Variants in IL20 observed in about 807,000 individuals in gnomAD.
The protein encoded by IL20 is interleukin-20.
IL20 carries 22 observed loss-of-function variants against 19.2 expected under a neutral mutation model. That is an observed-to-expected ratio of 1.15 (90% CI 0.82 to 1.64). IL20 has a LOEUF of 1.64. Among genes scored for constraint, IL20 ranks in the 40% most tolerant of loss-of-function variants. IL20 has a pLI of 0.00. For synonymous variants in IL20, 70 were observed against 76.2 expected, an observed-to-expected ratio of 0.92 and a Z score of 0.43; for missense variants, 215 against 212.8, an observed-to-expected ratio of 1.01 and a Z score of -0.06.
rs1443993512 is a variant in IL20 at position 206,869,104 on chromosome 1, T to G, written c.*540T>G. 1 of 152,300 alleles carries G rather than the reference T, an allele frequency of 6.6e-6. No individual in the cohort carries two copies. Among genetic ancestry groups the G allele is most frequent in the Admixed American group, 6.5e-5 (1 of 15,278 alleles). The allele number at this position is 152,300 out of a possible 1,614,324, so 9.4% of individuals were successfully genotyped here. A position where few individuals can be genotyped will look rare whatever the true frequency, so the allele number is the denominator to read the frequency against. On this transcript the variant is annotated 3_prime_UTR_variant, in exon 6 of 6. Coordinates refer to ENST00000367098, the MANE Select transcript of IL20 (RefSeq NM_018724.4). The stretch of plus-strand genomic sequence containing the variant: ...AAGTTTTGATGTGGAATTGCACATC[T>G]ACCTTACAATTACTGACCATCCCCA...
Position 206,867,399 on chromosome 1 carries a change from T to A in IL20, c.394T>A (p.Cys132Ser). 1 of 1,613,592 alleles carries A rather than the reference T, an allele frequency of 6.2e-7. No individual in the cohort carries two copies. The highest frequency in any genetic ancestry group is 8.5e-7 in the Non-Finnish European group (1 of 1,179,542). The change falls in exon 5 of 6, where the codon TGC becomes AGC. Residue 132 changes from cysteine to serine, a missense_variant. By Grantham distance (112) the Cys-to-Ser change is moderately radical. Coordinates refer to ENST00000367098, the MANE Select transcript of IL20 (RefSeq NM_018724.4). Reference protein sequence around the residue: ...DLRLCHAHMTCHCGEEAMKKY... With the variant: ...DLRLCHAHMTSHCGEEAMKKY... ...TCCTTTTCAGCATGCCCACATGACA[T>A]GCCATTGTGGGGAGGAAGCAATGAA...
At chr1:206,864,004 A>C (rs1677482571), upstream of IL20, among the ~76,000 whole-genome samples, 2 of 152,180 alleles carry the variant, frequency 1.3e-5, no homozygotes, top group African/African-American at 4.8e-5. Context: ...CTCAGAGGTG[A>C]GTTGACTTGT....
Position 206,868,701 on chromosome 1 carries a change from G to T in IL20, c.*137G>T. The T allele has an allele frequency of 2.3e-6, 1 of 443,006 alleles. No homozygotes were observed. Among genetic ancestry groups the T allele is most frequent in the Non-Finnish European group, 3.8e-6 (1 of 260,638 alleles). 27.4% of individuals were successfully genotyped at this position (443,006 alleles called of 1,614,324 possible). A position where few individuals can be genotyped will look rare whatever the true frequency, so the allele number is the denominator to read the frequency against. On this transcript the variant is annotated 3_prime_UTR_variant, in exon 6 of 6. Coordinates refer to ENST00000367098, the MANE Select transcript of IL20 (RefSeq NM_018724.4). The stretch of plus-strand genomic sequence containing the variant: ...GCTGGTCACAGTGTATCTTATTTAT[G>T]CATTACTTGCTTCCTTGCATGATTG...
At chr1:206,865,169 C>A (rs3024526), upstream of IL20, among the ~76,000 whole-genome samples, 2,146 of 152,334 alleles carry the variant, frequency 0.014, 25 homozygotes, top group Non-Finnish European at 0.021. The surrounding 1 kb of genome is among the most constrained non-coding windows in gnomAD (Gnocchi z 4.1). Context: ...TTGCCCATCA[C>A]GTCTTGCCTT....
upstream of IL20, chr1:206,865,572 G>A (rs552609471): frequency 2.7e-4 from 324 of 1,192,622 alleles, 2 homozygotes; most frequent in African/African-American, 4.4e-3. This position sits in a 1 kb window ranked among gnomAD's most constrained non-coding sequence, Gnocchi z 4.1. Flanking sequence ...CACTAACGGC[G>A]GAGCCAGGAT....
chr1:206,868,667 T>C lies in IL20; in HGVS notation c.*103T>C. 1 of 712,378 alleles carries C rather than the reference T, an allele frequency of 1.4e-6. No individual in the cohort carries two copies. The highest frequency in any genetic ancestry group is 2.2e-6 in the Non-Finnish European group (1 of 454,798). 44.1% of individuals were successfully genotyped at this position (712,378 alleles called of 1,614,324 possible). Reference sequence around the variant, plus strand: ...CCAAACCACCATCTCTTTACTGTACTAGTCTTGTGCTGGTCACAGTGTATC... The same window carrying C: ...CCAAACCACCATCTCTTTACTGTACCAGTCTTGTGCTGGTCACAGTGTATC... On this transcript the variant is annotated 3_prime_UTR_variant, in exon 6 of 6. Coordinates refer to ENST00000367098, the MANE Select transcript of IL20 (RefSeq NM_018724.4).
In IL20 at chr1:206,865,788, C is replaced by T; in HGVS notation, c.-30-35C>T. The T allele has an allele frequency of 6.4e-7, 1 of 1,563,014 alleles. No individual in the cohort carries two copies. Among genetic ancestry groups the T allele is most frequent in the South Asian group, 1.2e-5 (1 of 86,750 alleles). On this transcript the variant is annotated intron_variant, in intron 1 of 5. Coordinates refer to ENST00000367098, the MANE Select transcript of IL20 (RefSeq NM_018724.4). The surrounding 1 kb of genome is among the most constrained non-coding windows in gnomAD (Gnocchi z 4.1). ...CCGTGGACACTTGGAGGAGGGGAAA[C>T]TCAGTAAGTCATGCTCTCTTCTTTG... is the stretch of plus-strand genomic sequence containing the variant.
At position 206,868,599 on chromosome 1, in the gene IL20, G is replaced by A. The variant is rs763434260; in HGVS notation, c.*35G>A. On this transcript the variant is annotated 3_prime_UTR_variant, in exon 6 of 6. Transcript: ENST00000367098. ...GATGCTGCTGCTAAGAATATTCGAG[G>A]TCAAGAGCTCCAGTCTTCAATACCT... 1.9e-5 allele frequency: 29 copies of A among 1,522,310 alleles called. 2 individuals carry two copies. In the South Asian group the frequency reaches 3.5e-4, roughly 18 times the overall value. The allele number at this position is 1,522,310 out of a possible 1,614,324, so 94.3% of individuals were successfully genotyped here. A position where few individuals can be genotyped will look rare whatever the true frequency, so the allele number is the denominator to read the frequency against.
At chr1:206,863,891 A>G (rs902544201), upstream of IL20, among the ~76,000 whole-genome samples, 47 of 152,248 alleles carry the variant, frequency 3.1e-4, no homozygotes, top group African/African-American at 1.1e-3. Context: ...CTCTGTGCTA[A>G]GTGTATAAAT....
In IL20 at chr1:206,867,413, G is replaced by A. The variant is rs755504804; in HGVS notation, c.408G>A (p.Glu136=). ...CHAHMTCHCG[E]EAMKKYSQIL... ...CCCACATGACATGCCATTGTGGGGA[G>A]GAAGCAATGAAGAAATACAGCCAGA... The change falls in exon 5 of 6, where the codon GAG becomes GAA. Residue 136 remains glutamate (E), a synonymous_variant. Transcript: ENST00000367098. 29 of 1,613,674 alleles carry A rather than the reference G, an allele frequency of 1.8e-5. No individual in the cohort carries two copies. Among genetic ancestry groups the A allele is most frequent in the Non-Finnish European group, 2.2e-5 (26 of 1,179,796 alleles).
chr1:206,866,034 C>G (rs1214259099), intron 2 of IL20, 23 bp downstream of exon 2: 7 of 1,600,732 alleles, frequency 4.4e-6, no homozygotes, highest in Non-Finnish European at 6.0e-6. Flanking sequence ...GTATCTACCT[C>G]TCCTGAAAGC....
intron 5 of IL20, 81 bp from the exon 6 acceptor site, chr1:206,868,406 G>A: frequency 1.1e-6 from 1 of 871,834 alleles, no homozygotes; most frequent in Non-Finnish European, 1.7e-6. Flanking sequence ...ATTGTCAGCA[G>A]ACCTATCCAT....
rs1245363844 is a variant in IL20 at position 206,868,759 on chromosome 1, T to C, written c.*195T>C. 5.6e-6 allele frequency: 2 copies of C among 357,652 alleles called. No homozygotes were observed. Among genetic ancestry groups the C allele is most frequent in the African/African-American group, 4.2e-5 (2 of 47,532 alleles). The allele number at this position is 357,652 out of a possible 1,614,324, so 22.2% of individuals were successfully genotyped here. ...GCATCCCCAATCTTAATTGAGACCA[T>C]ACTTGTATAAGATTTTTGTAATATC... On this transcript the variant is annotated 3_prime_UTR_variant, in exon 6 of 6. Coordinates refer to ENST00000367098, the MANE Select transcript of IL20 (RefSeq NM_018724.4).
chr1:206,868,437 C>T lies in IL20; in HGVS notation c.454-50C>T, dbSNP rs764006936. The T allele has an allele frequency of 5.0e-6, 7 of 1,404,094 alleles. No homozygotes were observed. In the South Asian group the frequency reaches 8.0e-5, roughly 16 times the overall value. The allele number at this position is 1,404,094 out of a possible 1,614,324, so 87.0% of individuals were successfully genotyped here. On this transcript the variant is annotated intron_variant, in intron 5 of 5. Transcript: ENST00000367098. ...TCCATAAAAGAGATAGGTCCTGGAG[C>T]AAATGCTGTCTCATGAATTGCTAAC...
intron 5 of IL20, 100 bp from the exon 6 acceptor site, chr1:206,868,387 C>G: frequency 1.6e-6 from 1 of 615,440 alleles, no homozygotes; most frequent in South Asian, 3.7e-5. Context: ...AAAGAATGCT[C>G]TGCTTACAAT....
rs1224448870 is a variant in IL20, at chr1:206,867,461, A to T, written c.453+3A>T. ...AGATTCTGAGTCACTTTGAAAAGGT[A>T]TATGCGACTTTGGCATTGATTGGGA... is the stretch of plus-strand genomic sequence containing the variant. On this transcript the variant is annotated splice_donor_region_variant and intron_variant, in intron 5 of 5. Transcript: ENST00000367098. 1.9e-6 allele frequency: 3 copies of T among 1,612,384 alleles called. No individual in the cohort carries two copies. The highest frequency in any genetic ancestry group is 2.5e-6 in the Non-Finnish European group (3 of 1,178,480).
chr1:206,863,755 A>G (rs1173500661), upstream of IL20, among the ~76,000 whole-genome samples: 3 of 152,196 alleles, frequency 2.0e-5, no homozygotes, highest in Admixed American at 6.5e-5. Context: ...AATAATCATC[A>G]TGTTTATCTT....
chr1:206,866,077 CCTGGCAGTA>C (rs1442293669), intron 2 of IL20, 66 bp downstream of exon 2: 3 of 1,474,498 alleles, frequency 2.0e-6, no homozygotes, highest in Non-Finnish European at 1.9e-6. Flanking sequence ...GTTTCTCTTT[CCTGGCAGTA>C]CTGGCAGTGT....
chr1:206,866,263 G>T lies in IL20; in HGVS notation c.160-36G>T. On this transcript the variant is annotated intron_variant, in intron 2 of 5. Coordinates refer to ENST00000367098, the MANE Select transcript of IL20 (RefSeq NM_018724.4). Reference sequence around the variant, plus strand: ...ATTGAAGACCCTGGCAGCAGGCACTGACTCATCCTTGCTTGTTTTGTCTTC... The same window carrying T: ...ATTGAAGACCCTGGCAGCAGGCACTTACTCATCCTTGCTTGTTTTGTCTTC... 1.9e-6 allele frequency: 3 copies of T among 1,603,764 alleles called. No homozygotes were observed. In the South Asian group the frequency reaches 3.3e-5, roughly 18 times the overall value.
Sources: gnomAD v4.1 joint callset for allele counts (sites outside exome capture counted in the v4.1 genomes callset) on GRCh38, gnomAD v4.1.1 for gene constraint, Gnocchi (gnomAD v3.1) non-coding constraint, MANE v1.5 for transcripts, NCBI Gene and HGNC (gene_info 2026-07-23, HGNC 2026-07-21) for gene names.